Variants in HS1BP3 observed in about 807,000 individuals in gnomAD.
HS1BP3 encodes HCLS1-binding protein 3.
Under a neutral mutation model 33.5 loss-of-function variants are expected in HS1BP3, and 32 were observed. That is an observed-to-expected ratio of 0.95 (90% CI 0.72 to 1.28). The LOEUF (loss-of-function observed/expected upper bound fraction) is 1.28, where lower values mean the gene tolerates loss of function less well. HS1BP3 is among the 50% of genes most tolerant of loss of function. The pLI is 0.00. For missense variants in HS1BP3, 486 were observed against 502.3 expected, an observed-to-expected ratio of 0.97 and a Z score of 0.31; for synonymous variants, 187 against 209.2, an observed-to-expected ratio of 0.89 and a Z score of 0.92.
At chr2:20,557,688 C>T (rs1692873077), downstream of HS1BP3, among the ~76,000 whole-genome samples, 1 of 152,206 alleles carries the variant, frequency 6.6e-6, no homozygotes, top group Non-Finnish European at 1.5e-5. Flanking sequence ...AAGGAGGGTG[C>T]TCTGCAGGTT....
At chr2:20,605,557 A>T (rs188262088) in intron 2 of HS1BP3, among the ~76,000 whole-genome samples, 10 of 151,630 alleles carry the variant, frequency 6.6e-5, no homozygotes, top group African/African-American at 2.2e-4. Flanking sequence ...GGAATATGTC[A>T]TCACCCCCCA....
chr2:20,645,597 G>A (rs1572365637), intron 1 of HS1BP3, 92 bp from the exon 2 acceptor site: 1 of 1,307,310 alleles, frequency 7.6e-7, no homozygotes, highest in Non-Finnish European at 1.0e-6. Flanking sequence ...TGCCTGGCAG[G>A]CCTGGGTGCC....
At chr2:20,572,077 G>A (rs190841838) in intron 5 of HS1BP3, among the ~76,000 whole-genome samples, 5 of 152,266 alleles carry the variant, frequency 3.3e-5, no homozygotes, top group African/African-American at 1.2e-4. Context: ...GAGGCTTTTG[G>A]TTTTACCCCC....
rs1054771669 is a variant in HS1BP3, at chr2:20,611,157, C to T, written c.178+12739G>A. On this transcript the variant is annotated intron_variant, in intron 2 of 3. Coordinates refer to the HS1BP3 transcript ENST00000415264. The surrounding 1 kb of genome is among the most constrained non-coding windows in gnomAD (Gnocchi z 4.9). ...TCCTTTTTGACGCTGCACAGCATTC[C>T]GCTGCATCCATGTGCCACTGTTTGC... Among the ~76,000 whole-genome samples, 32 of 152,184 alleles carry T rather than the reference C, an allele frequency of 2.1e-4. No individual in the cohort carries two copies. Among genetic ancestry groups the T allele is most frequent in the Admixed American group, 1.4e-3 (22 of 15,284 alleles).
chr2:20,555,786 G>A (rs1692827196), downstream of HS1BP3, among the ~76,000 whole-genome samples: 1 of 151,890 alleles, frequency 6.6e-6, no homozygotes, highest in African/African-American at 2.4e-5. Flanking sequence ...CACCTACTGT[G>A]AACACTGACC....
intron 2 of HS1BP3, among the ~76,000 whole-genome samples, chr2:20,643,371 C>T (rs1297352439): frequency 6.6e-6 from 1 of 152,206 alleles, no homozygotes; most frequent in Non-Finnish European, 1.5e-5. Flanking sequence ...TCATGCCCCG[C>T]AACATCAAGC....
At chr2:20,570,637 G>A (rs1458477064) in intron 5 of HS1BP3, among the ~76,000 whole-genome samples, 1 of 152,204 alleles carries the variant, frequency 6.6e-6, no homozygotes, top group Non-Finnish European at 1.5e-5. Flanking sequence ...GACATCTTGG[G>A]GCTACCCAGG....
the HS1BP3 span, among the ~76,000 whole-genome samples, chr2:20,554,028 C>T: frequency 1.3e-5 from 2 of 152,146 alleles, no homozygotes; most frequent in Non-Finnish European, 2.9e-5. Flanking sequence ...TGGCCCCGAT[C>T]CCTAATTCCC....
intron 3 of HS1BP3, among the ~76,000 whole-genome samples, chr2:20,596,258 C>T (rs1693939913): frequency 6.6e-6 from 1 of 152,174 alleles, no homozygotes; most frequent in Non-Finnish European, 1.5e-5. Flanking sequence ...TCCTTCAAGA[C>T]CCCAGCTAGG....
chr2:20,640,930 G>T (rs1558349470), intron 3 of HS1BP3, 43 bp downstream of exon 3: 1 of 1,592,394 alleles, frequency 6.3e-7, no homozygotes, highest in Non-Finnish European at 8.6e-7. Context: ...GCCTAGTTCT[G>T]GGCCGGGGAG....
At chr2:20,609,127 TG>T (rs1354351312) in intron 2 of HS1BP3, among the ~76,000 whole-genome samples, 1 of 152,256 alleles carries the variant, frequency 6.6e-6, no homozygotes, top group African/African-American at 2.4e-5. Flanking sequence ...GCCCCTGCTC[TG>T]TGGCTCTCCA....
downstream of HS1BP3, among the ~76,000 whole-genome samples, chr2:20,556,662 G>A (rs150322573): frequency 1.1e-3 from 163 of 152,284 alleles, 1 homozygote; most frequent in African/African-American, 3.8e-3. Context: ...TAGGCTGCTT[G>A]AAGAAGACAC....
At chr2:20,621,424 C>T (rs1033689063) in intron 6 of HS1BP3, among the ~76,000 whole-genome samples, 6 of 152,260 alleles carry the variant, frequency 3.9e-5, no homozygotes, top group South Asian at 2.1e-4. Flanking sequence ...TGGCCCAAGC[C>T]GGGCCTTCAT....
chr2:20,564,780 G>A (rs749066242), intron 5 of HS1BP3, among the ~76,000 whole-genome samples: 11 of 152,104 alleles, frequency 7.2e-5, no homozygotes, highest in Non-Finnish European at 1.3e-4. Context: ...CACCATGCCC[G>A]GCCCAGAAAT....
chr2:20,632,293 C>T (rs72784306), intron 4 of HS1BP3, among the ~76,000 whole-genome samples: 25,884 of 152,276 alleles, frequency 0.17, 2,479 homozygotes, highest in Non-Finnish European at 0.21. Flanking sequence ...TGCTGGTTCT[C>T]ACATGGGCGC....
At chr2:20,568,214 G>C (rs959910549) in intron 5 of HS1BP3, among the ~76,000 whole-genome samples, 1 of 152,178 alleles carries the variant, frequency 6.6e-6, no homozygotes, top group Non-Finnish European at 1.5e-5. Context: ...TGGTGCTGGG[G>C]GGTGCGGGGT....
chr2:20,575,166 T>C (rs1332960238), intron 5 of HS1BP3, among the ~76,000 whole-genome samples: 2 of 152,274 alleles, frequency 1.3e-5, no homozygotes, highest in East Asian at 3.8e-4. Flanking sequence ...CTGGAACTTT[T>C]GGAACAATGG....
At chr2:20,616,715 C>T (rs922484875), downstream of HS1BP3, among the ~76,000 whole-genome samples, 3 of 152,132 alleles carry the variant, frequency 2.0e-5, no homozygotes, top group Non-Finnish European at 4.4e-5. Flanking sequence ...GTGACTGGGG[C>T]AGGGCAGCTT....
chr2:20,588,120 A>T (rs1018834727), downstream of HS1BP3, among the ~76,000 whole-genome samples: 2 of 150,696 alleles, frequency 1.3e-5, no homozygotes, highest in East Asian at 1.9e-4. Context: ...TCTCTCCAAG[A>T]TGTTAAAAAA....
Sources: gnomAD v4.1 joint callset for allele counts (sites outside exome capture counted in the v4.1 genomes callset) on GRCh38, gnomAD v4.1.1 for gene constraint, Gnocchi (gnomAD v3.1) non-coding constraint, MANE v1.5 for transcripts, NCBI Gene and HGNC (gene_info 2026-07-23, HGNC 2026-07-21) for gene names.